PAX7: variants seen among roughly 807,000 people sequenced by gnomAD.
PAX7 encodes the protein paired box protein Pax-7.
In PAX7, 18 loss-of-function variants were observed where a neutral mutation model predicts 50.7. The observed-to-expected ratio is 0.36, with a 90% CI of 0.25 to 0.53. PAX7 has a LOEUF of 0.53. PAX7 is among the 20% of genes least tolerant of loss of function. PAX7 has a pLI of 0.93. For synonymous variants in PAX7, 310 were observed against 290.4 expected (o/e 1.07, Z -0.69); for missense variants, 644 against 702.9 (o/e 0.92, Z 0.95).
At position 18,631,434 on chromosome 1, in the gene PAX7, T is replaced by C. The variant is rs1157630936; in HGVS notation, c.-170T>C. On this transcript the variant is annotated 5_prime_UTR_variant, in exon 1 of 9. Transcript: ENST00000420770. ...TCCCCAGCTTCTGGACGCGTTTGAC[T>C]GCAGCCAGGGGTGGGGGGTGGGGGT... 1 of 619,246 alleles carries C rather than the reference T, an allele frequency of 1.6e-6. No individual in the cohort carries two copies. The highest frequency in any genetic ancestry group is 2.9e-6 in the Non-Finnish European group (1 of 346,874). 38.4% of individuals were successfully genotyped at this position (619,246 alleles called of 1,614,324 possible).
At chr1:18,655,803 G>GTGTC (rs913674896) in intron 4 of PAX7, among the ~76,000 whole-genome samples, 2 of 151,330 alleles carry the variant, frequency 1.3e-5, no homozygotes, top group African/African-American at 4.9e-5. Flanking sequence ...GTGTGTGTGT[G>GTGTC]TGTGTGTCTG....
At chr1:18,731,603 C>T (rs1160598540) in intron 7 of PAX7, among the ~76,000 whole-genome samples, 1 of 152,068 alleles carries the variant, frequency 6.6e-6, no homozygotes, top group East Asian at 1.9e-4. Flanking sequence ...GTTCTCCCCT[C>T]CCGCCGCTCT....
intron 5 of PAX7, among the ~76,000 whole-genome samples, chr1:18,695,208 TAA>T (rs34926391): frequency 7.0e-6 from 1 of 143,328 alleles, no homozygotes; most frequent in African/African-American, 2.6e-5. Flanking sequence ...TGATTACATG[TAA>T]AAAAAAAAAG....
chr1:18,734,474 C>T (rs1271193189), intron 7 of PAX7, among the ~76,000 whole-genome samples: 1 of 152,098 alleles, frequency 6.6e-6, no homozygotes, highest in East Asian at 1.9e-4. Context: ...CTGCTCTGCT[C>T]TGAACTGACT....
rs140570380 is a variant in PAX7 at position 18,724,020 on chromosome 1, G to A, written c.1156-11612G>A. ...CAATTTGCTCTGACATTTTTCACTC[G>A]CTCAGTGCCCCCGCCACTCTCAATG... On this transcript the variant is annotated intron_variant, in intron 7 of 8. Coordinates refer to ENST00000420770, the MANE Select transcript of PAX7 (RefSeq NM_001135254.2). Among the ~76,000 whole-genome samples the A allele has an allele frequency of 2.7e-4, 41 of 152,062 alleles. No homozygotes were observed. The East Asian group carries it at 6.4e-3, about 24-fold the overall frequency.
chr1:18,652,089 C>A (rs1438927350), intron 4 of PAX7, among the ~76,000 whole-genome samples: 1 of 150,762 alleles, frequency 6.6e-6, no homozygotes, highest in Non-Finnish European at 1.5e-5. Context: ...AAGAGAATCC[C>A]GGGCAGCAGC....
chr1:18,655,344 G>A (rs1485287365), intron 4 of PAX7, among the ~76,000 whole-genome samples: 1 of 152,164 alleles, frequency 6.6e-6, no homozygotes, highest in Non-Finnish European at 1.5e-5. Context: ...CAATCAATAT[G>A]CAAACAAGTG....
chr1:18,696,440 C>T (rs1438438071), intron 5 of PAX7, among the ~76,000 whole-genome samples: 1 of 152,150 alleles, frequency 6.6e-6, no homozygotes, highest in Non-Finnish European at 1.5e-5. Flanking sequence ...TAATTCTCAC[C>T]ATGACCCTGC....
At chr1:18,665,412 T>G (rs2088654193) in intron 4 of PAX7, among the ~76,000 whole-genome samples, 1 of 152,166 alleles carries the variant, frequency 6.6e-6, no homozygotes, top group South Asian at 2.1e-4. Context: ...AGTCTCACTC[T>G]GTCACCAGGC....
Position 18,635,095 on chromosome 1 carries a change from A to G in PAX7, c.322-16A>G. 6.2e-7 allele frequency: 1 copy of G among 1,612,594 alleles called. No homozygotes were observed. The highest frequency in any genetic ancestry group is 2.2e-5 in the East Asian group (1 of 44,812). On this transcript the variant is annotated splice_polypyrimidine_tract_variant and intron_variant, in intron 2 of 8. Transcript: ENST00000420770. The stretch of plus-strand genomic sequence containing the variant: ...CCCATCTTTCCACTCCTACTCTCCC[A>G]CCTCCACCTCTGAAGCAGGTGGCGA...
In PAX7 at chr1:18,634,052, G is replaced by A. The variant is rs1164185130; in HGVS notation, c.86-251G>A. 6.6e-6 allele frequency among the ~76,000 whole-genome samples: 1 copy of A among 152,124 alleles called. No individual in the cohort carries two copies. Among genetic ancestry groups the A allele is most frequent in the Non-Finnish European group, 1.5e-5 (1 of 68,034 alleles). ...CCCTCGTAGTGTGGCAGGAGTTGGG[G>A]GACACAGCATCTGGGGAGACTCTTG... On this transcript the variant is annotated intron_variant, in intron 1 of 8. Transcript: ENST00000420770. This position sits in a 1 kb window ranked among gnomAD's most constrained non-coding sequence, Gnocchi z 4.0.
At chr1:18,710,162 C>G (rs1337798909) in intron 7 of PAX7, among the ~76,000 whole-genome samples, 3 of 152,226 alleles carry the variant, frequency 2.0e-5, no homozygotes, top group Non-Finnish European at 4.4e-5. Flanking sequence ...CCCACAGCAA[C>G]CCTACTCTTG....
At chr1:18,691,221 C>T (rs967767378) in intron 4 of PAX7, among the ~76,000 whole-genome samples, 3 of 152,172 alleles carry the variant, frequency 2.0e-5, no homozygotes, top group African/African-American at 7.2e-5. Context: ...TCAAGCAATC[C>T]TCCTGCCTCA....
intron 4 of PAX7, 72 bp from the exon 5 acceptor site, chr1:18,691,682 C>T (rs1349092494): frequency 2.1e-6 from 3 of 1,402,608 alleles, no homozygotes; most frequent in South Asian, 2.5e-5. Context: ...GCCTTGTGCT[C>T]TCCTCCCAGA....
chr1:18,743,154 T>C (rs1931240179), intron 8 of PAX7, among the ~76,000 whole-genome samples: 1 of 152,234 alleles, frequency 6.6e-6, no homozygotes, highest in Admixed American at 6.5e-5. Flanking sequence ...GCTAGCCACT[T>C]TGTACGTATT....
chr1:18,709,661 T>G (rs1250331263), intron 7 of PAX7, among the ~76,000 whole-genome samples: 1 of 152,188 alleles, frequency 6.6e-6, no homozygotes, highest in African/African-American at 2.4e-5. Context: ...TGAGGAAACC[T>G]TCCTTGTCCA....
intron 7 of PAX7, among the ~76,000 whole-genome samples, chr1:18,718,724 C>T (rs995617896): frequency 6.6e-6 from 1 of 151,856 alleles, no homozygotes; most frequent in Non-Finnish European, 1.5e-5. Flanking sequence ...CTCACTGCAA[C>T]CTCCGCCTCC....
chr1:18,676,356 T>G (rs1471210364), intron 4 of PAX7, among the ~76,000 whole-genome samples: 2 of 147,038 alleles, frequency 1.4e-5, no homozygotes, highest in Non-Finnish European at 1.5e-5. Context: ...TGGGTTGCAG[T>G]AGATTGATGG....
intron 7 of PAX7, among the ~76,000 whole-genome samples, chr1:18,729,539 A>C (rs1467955331): frequency 3.3e-5 from 5 of 152,338 alleles, no homozygotes; most frequent in Admixed American, 3.3e-4. Flanking sequence ...GGGAAAAACT[A>C]TCCTGCCCGT....
Sources: allele counts gnomAD v4.1 joint callset (sites outside exome capture counted in the v4.1 genomes callset), GRCh38; gene constraint gnomAD v4.1.1; non-coding constraint Gnocchi (gnomAD v3.1); transcripts MANE v1.5; gene names NCBI Gene and HGNC (gene_info 2026-07-23, HGNC 2026-07-21).